PHF19: variants seen among roughly 807,000 people sequenced by gnomAD.
The protein encoded by PHF19 is polycomb like 3.
Under a neutral mutation model 79.8 loss-of-function variants are expected in PHF19, and 21 were observed. The observed-to-expected ratio is 0.26, with a 90% CI of 0.19 to 0.38. PHF19 has a LOEUF of 0.38. PHF19 is among the 10% of genes least tolerant of loss of function. The pLI, the probability that PHF19 is intolerant of heterozygous loss-of-function variation, is 1.00. For synonymous variants in PHF19, 273 were observed against 296.3 expected (o/e 0.92, Z 0.81); for missense variants, 445 against 744.2 (o/e 0.60, Z 4.68).
rs2045912428 is a variant in PHF19, at chr9:120,872,037, C to CAAAAAAAAAGAAAAAA, written c.269-1500_269-1499insTTTTTTCTTTTTTTTT. Among the ~76,000 whole-genome samples the CAAAAAAAAAGAAAAAA allele has an allele frequency of 2.1e-3, 63 of 30,322 alleles. 2 individuals carry two copies. Among genetic ancestry groups the CAAAAAAAAAGAAAAAA allele is most frequent in the African/African-American group, 2.5e-3 (19 of 7,532 alleles). The allele number at this position is 30,322 out of a possible 152,430, so 19.9% of individuals were successfully genotyped here. On this transcript the variant is annotated intron_variant, in intron 3 of 14. Coordinates refer to ENST00000373896, the MANE Select transcript of PHF19 (RefSeq NM_015651.3). Reference sequence around the variant, plus strand: ...TGGGTGACAGAGCAAGACTCTGTCTCAAAAAAAAAAAAAAAAAAAAAAAAA... The same window carrying CAAAAAAAAAGAAAAAA: ...TGGGTGACAGAGCAAGACTCTGTCTCAAAAAAAAAGAAAAAAAAAAAAAAAAAAAAAAAAAAAAAAA...
chr9:120,880,720 G>A (rs576404242), upstream of PHF19, among the ~76,000 whole-genome samples: 1 of 152,332 alleles, frequency 6.6e-6, no homozygotes, highest in Admixed American at 6.5e-5. Context: ...AGCGCTTTGG[G>A]AGGCTATGGT....
At chr9:120,872,693 T>C (rs569758073) in intron 3 of PHF19, among the ~76,000 whole-genome samples, 108 of 151,174 alleles carry the variant, frequency 7.1e-4, no homozygotes, top group African/African-American at 2.6e-3. Flanking sequence ...TCTTTTCTTT[T>C]TTTTTTTTTT....
chr9:120,896,629 A>G (rs1258861126), upstream of PHF19, among the ~76,000 whole-genome samples: 1 of 150,312 alleles, frequency 6.7e-6, no homozygotes, highest in Non-Finnish European at 1.5e-5. Context: ...TTTTTTTTGT[A>G]TTTTTAGTAG....
intron 1 of PHF19, among the ~76,000 whole-genome samples, chr9:120,886,898 T>A (rs563489256): frequency 6.6e-6 from 1 of 151,918 alleles, no homozygotes; most frequent in Non-Finnish European, 1.5e-5. Flanking sequence ...TGAAACCCTG[T>A]CTCTACTAAA....
rs1050491223 is a variant in PHF19 at position 120,870,937 on chromosome 9, C to T, written c.269-399G>A. 1.3e-5 allele frequency among the ~76,000 whole-genome samples: 2 copies of T among 152,194 alleles called. No individual in the cohort carries two copies. Among genetic ancestry groups the T allele is most frequent in the African/African-American group, 4.8e-5 (2 of 41,452 alleles). ...TGTTTGTTTTGTTGAGATGGAGTCTCTGTCACCCAGGCTGGAGTGCAGTGG... is the reference window on the plus strand; with the variant it reads ...TGTTTGTTTTGTTGAGATGGAGTCTTTGTCACCCAGGCTGGAGTGCAGTGG... On this transcript the variant is annotated intron_variant, in intron 3 of 14. Transcript: ENST00000373896. This position sits in a 1 kb window ranked among gnomAD's most constrained non-coding sequence, Gnocchi z 4.4.
chr9:120,877,962 C>A (rs538748014), upstream of PHF19, among the ~76,000 whole-genome samples: 1 of 152,172 alleles, frequency 6.6e-6, no homozygotes, highest in Non-Finnish European at 1.5e-5. Flanking sequence ...AAAGTCACAA[C>A]ACAGACGGGC....
upstream of PHF19, among the ~76,000 whole-genome samples, chr9:120,895,747 G>A (rs1256478510): frequency 2.0e-5 from 3 of 152,072 alleles, no homozygotes; most frequent in African/African-American, 7.2e-5. Flanking sequence ...CGACCTCCTG[G>A]GCTCAAGTGA....
upstream of PHF19, among the ~76,000 whole-genome samples, chr9:120,878,150 C>G (rs1461324302): frequency 6.6e-6 from 1 of 152,198 alleles, no homozygotes; most frequent in African/African-American, 2.4e-5. Flanking sequence ...TAGCCCCAAA[C>G]AACAAATTGC....
the PHF19 span, among the ~76,000 whole-genome samples, chr9:120,901,696 T>C: frequency 6.6e-6 from 1 of 152,108 alleles, no homozygotes. Context: ...GAGTGCACCT[T>C]ATGGCCAGAC....
At chr9:120,889,256 T>C (rs2046307950) in intron 1 of PHF19, among the ~76,000 whole-genome samples, 1 of 151,920 alleles carries the variant, frequency 6.6e-6, no homozygotes, top group African/African-American at 2.4e-5. Flanking sequence ...TGAAATCTCG[T>C]CTCCATTAAA....
intron 9 of PHF19, among the ~76,000 whole-genome samples, chr9:120,864,423 G>A (rs1363201677): frequency 7.7e-6 from 1 of 130,202 alleles, no homozygotes; most frequent in Non-Finnish European, 1.6e-5. Context: ...CACGAAATAG[G>A]AACAAAACTT....
chr9:120,874,848 G>T lies in PHF19; in HGVS notation c.-15-92C>A. 1 of 758,394 alleles carries T rather than the reference G, an allele frequency of 1.3e-6. No individual in the cohort carries two copies. Among genetic ancestry groups the T allele is most frequent in the Non-Finnish European group, 2.2e-6 (1 of 455,572 alleles). The allele number at this position is 758,394 out of a possible 1,614,324, so 47.0% of individuals were successfully genotyped here. Reference sequence around the variant, plus strand: ...AAGGAAACCACCATTTCTGTACCCTGTGCTATAAGCCAGACTTGGTTATTA... The same window carrying T: ...AAGGAAACCACCATTTCTGTACCCTTTGCTATAAGCCAGACTTGGTTATTA... On this transcript the variant is annotated intron_variant, in intron 1 of 14. Coordinates refer to ENST00000373896, the MANE Select transcript of PHF19 (RefSeq NM_015651.3). The surrounding 1 kb of genome is among the most constrained non-coding windows in gnomAD (Gnocchi z 4.5).
intron 1 of PHF19, among the ~76,000 whole-genome samples, chr9:120,883,408 G>A (rs1364640985): frequency 1.3e-5 from 2 of 152,218 alleles, no homozygotes; most frequent in East Asian, 3.8e-4. Flanking sequence ...CAGGCACCAT[G>A]CTAGGAATGA....
In PHF19 at chr9:120,860,796, G is replaced by A; in HGVS notation, c.1304+293C>T. ...AGCAGGGTCCTGAGTTTTCAGATGG[G>A]CTAGGGCAAGGCAAAGGGTATCTCA... On this transcript the variant is annotated intron_variant, in intron 13 of 14. Transcript: ENST00000373896. The surrounding 1 kb of genome is among the most constrained non-coding windows in gnomAD (Gnocchi z 4.1). 2.8e-6 allele frequency: 1 copy of A among 356,500 alleles called. No individual in the cohort carries two copies. The highest frequency in any genetic ancestry group is 2.9e-5 in the South Asian group (1 of 34,880). The allele number at this position is 356,500 out of a possible 1,614,324, so 22.1% of individuals were successfully genotyped here.
At position 120,870,775 on chromosome 9, in the gene PHF19, GA is replaced by G. The variant is rs2131543121; in HGVS notation, c.269-238del. Among the ~76,000 whole-genome samples the G allele has an allele frequency of 6.6e-6, 1 of 152,324 alleles. No homozygotes were observed. Among genetic ancestry groups the G allele is most frequent in the African/African-American group, 2.4e-5 (1 of 41,572 alleles). On this transcript the variant is annotated intron_variant, in intron 3 of 14. Transcript: ENST00000373896. This position sits in a 1 kb window ranked among gnomAD's most constrained non-coding sequence, Gnocchi z 4.4. ...TTAGCTAGTAAGTAGGTGAGGGGGGGATTAAACCCATGGCTGTTTGACATCA... is the reference window on the plus strand; with the variant it reads ...TTAGCTAGTAAGTAGGTGAGGGGGGGTTAAACCCATGGCTGTTTGACATCA...
In PHF19 at chr9:120,866,854, C is replaced by G; in HGVS notation, c.710+16G>C. 6.6e-7 allele frequency: 1 copy of G among 1,525,992 alleles called. No homozygotes were observed. Among genetic ancestry groups the G allele is most frequent in the Non-Finnish European group, 9.1e-7 (1 of 1,100,070 alleles). The allele number at this position is 1,525,992 out of a possible 1,614,324, so 94.5% of individuals were successfully genotyped here. On this transcript the variant is annotated intron_variant, in intron 7 of 14. Coordinates refer to ENST00000373896, the MANE Select transcript of PHF19 (RefSeq NM_015651.3). The surrounding 1 kb of genome is among the most constrained non-coding windows in gnomAD (Gnocchi z 5.2). ...CCACCACGCCCAAGGCCCACTTGGACCAAATTAGCACCTACCGGTCTCCAA... is the reference window on the plus strand; with the variant it reads ...CCACCACGCCCAAGGCCCACTTGGAGCAAATTAGCACCTACCGGTCTCCAA...
intron 9 of PHF19, among the ~76,000 whole-genome samples, 181 bp downstream of exon 9, chr9:120,865,529 C>G (rs2045673092): frequency 6.6e-6 from 1 of 152,216 alleles, no homozygotes; most frequent in African/African-American, 2.4e-5. Context: ...AGGCCCCAAC[C>G]TGCCCACTGC....
chr9:120,876,341 G>C (rs2046050990), intron 1 of PHF19: 1 of 152,210 alleles, frequency 6.6e-6, no homozygotes, highest in Non-Finnish European at 1.5e-5. Flanking sequence ...GCCAGGCCGG[G>C]GCCGCTGCAG....
rs1032601499 is a variant in PHF19, at chr9:120,862,460, C to T, written c.1130+128G>A. 32 of 739,684 alleles carry T rather than the reference C, an allele frequency of 4.3e-5. No homozygotes were observed. The highest frequency in any genetic ancestry group is 7.2e-5 in the Non-Finnish European group (32 of 443,194). 45.8% of individuals were successfully genotyped at this position (739,684 alleles called of 1,614,324 possible). On this transcript the variant is annotated intron_variant, in intron 11 of 14. Transcript: ENST00000373896. This position sits in a 1 kb window ranked among gnomAD's most constrained non-coding sequence, Gnocchi z 4.6. Reference sequence around the variant, plus strand: ...GGGATCTGGGATCTGGGATCCCGCTCAGCCACTATCTAGCCCTCTCAGGGT... The same window carrying T: ...GGGATCTGGGATCTGGGATCCCGCTTAGCCACTATCTAGCCCTCTCAGGGT...
Sources: gnomAD v4.1 joint callset for allele counts (sites outside exome capture counted in the v4.1 genomes callset) on GRCh38, gnomAD v4.1.1 for gene constraint, Gnocchi (gnomAD v3.1) non-coding constraint, MANE v1.5 for transcripts, NCBI Gene and HGNC (gene_info 2026-07-23, HGNC 2026-07-21) for gene names.